The following MAST2 variants were observed in gnomAD, a reference collection of about 807,000 sequenced individuals.
The protein encoded by MAST2 is microtubule associated serine/threonine kinase 2, also known as microtubule-associated serine/threonine-protein kinase 2.
Under a neutral mutation model 147.4 loss-of-function variants are expected in MAST2, and 70 were observed. That is an observed-to-expected ratio of 0.47 (90% CI 0.39 to 0.58). The LOEUF (loss-of-function observed/expected upper bound fraction) is 0.58. MAST2 is among the 20% of genes least tolerant of loss of function. MAST2 has a pLI of 0.00. For missense variants in MAST2, 2,080 were observed against 2,302.3 expected (o/e 0.90, Z 1.98); for synonymous variants, 869 against 896.8 (o/e 0.97, Z 0.55).
At chr1:46,018,238 C>G (rs1646040417) in intron 10 of MAST2, among the ~76,000 whole-genome samples, 1 of 152,190 alleles carries the variant, frequency 6.6e-6, no homozygotes, top group African/African-American at 2.4e-5. Context: ...CCTCCACTCT[C>G]TCTCTGATGT....
chr1:46,028,883 T>C lies in MAST2; in HGVS notation c.2168T>C (p.Val723Ala). The stretch of plus-strand genomic sequence containing the variant: ...CTGTATGAGTTCCTGGTGGGCTGCG[T>C]CCCTTTTTTTGGAGATACTCCGGAG... Reference protein sequence around the residue: ...IILYEFLVGCVPFFGDTPEEL... With the variant: ...IILYEFLVGCAPFFGDTPEEL... The change falls in exon 18 of 29, where the codon GTC (valine) becomes GCC (alanine). Residue 723 changes from valine to alanine, a missense_variant. Physicochemically the swap from Val to Ala is moderately conservative, Grantham distance 64 (BLOSUM62 0). Transcript: ENST00000361297. The C allele has an allele frequency of 6.2e-7, 1 of 1,612,444 alleles. No individual in the cohort carries two copies. The highest frequency in any genetic ancestry group is 8.5e-7 in the Non-Finnish European group (1 of 1,179,348).
chr1:45,940,659 G>A (rs1302982885), intron 4 of MAST2, among the ~76,000 whole-genome samples: 5 of 147,422 alleles, frequency 3.4e-5, no homozygotes, highest in African/African-American at 7.5e-5. Context: ...TCGCTCTGTC[G>A]CCCAGGCTGG....
At chr1:45,923,249 G>T (rs1416452456) in intron 4 of MAST2, among the ~76,000 whole-genome samples, 1 of 152,140 alleles carries the variant, frequency 6.6e-6, no homozygotes, top group Non-Finnish European at 1.5e-5. Context: ...GGCTTCCAAA[G>T]GAGGGTTCCA....
At chr1:46,030,080 A>T in intron 20 of MAST2, 49 bp from the exon 21 acceptor site, 1 of 1,607,168 alleles carries the variant, frequency 6.2e-7, no homozygotes, top group Non-Finnish European at 8.5e-7. Context: ...GGTCACAAGG[A>T]GGCCACCAGC....
chr1:45,941,328 C>A (rs548590195), intron 4 of MAST2, among the ~76,000 whole-genome samples: 1 of 152,078 alleles, frequency 6.6e-6, no homozygotes, highest in Non-Finnish European at 1.5e-5. Flanking sequence ...GGCGGGATCT[C>A]GGCTCACTGC....
chr1:45,820,909 T>TTTTTTTTTTTTC (rs1644605847), intron 1 of MAST2, among the ~76,000 whole-genome samples: 1 of 141,484 alleles, frequency 7.1e-6, no homozygotes, highest in East Asian at 2.0e-4. Flanking sequence ...TTTTTTTTTT[T>TTTTTTTTTTTTC]TTTTTTTTGA....
intron 4 of MAST2, among the ~76,000 whole-genome samples, chr1:45,890,133 T>C (rs1647502612): frequency 6.6e-6 from 1 of 152,224 alleles, no homozygotes; most frequent in Non-Finnish European, 1.5e-5. Flanking sequence ...AAGGCGTTCC[T>C]GACCTCACCC....
At chr1:46,029,148 C>T (rs1383095602) in intron 18 of MAST2, 1 of 572,294 alleles carries the variant, frequency 1.7e-6, no homozygotes, top group Non-Finnish European at 3.0e-6. Context: ...CTCATAGACA[C>T]CTGGTCTCTC....
At chr1:45,832,536 C>T (rs181204145) in intron 3 of MAST2, among the ~76,000 whole-genome samples, 144 of 152,254 alleles carry the variant, frequency 9.5e-4, no homozygotes, top group African/African-American at 3.2e-3. Flanking sequence ...TCAAGTGATC[C>T]ACCGGCCTTG....
At chr1:45,920,348 A>C (rs1653256191) in intron 4 of MAST2, among the ~76,000 whole-genome samples, 1 of 152,084 alleles carries the variant, frequency 6.6e-6, no homozygotes, top group African/African-American at 2.4e-5. Context: ...CCAAGTTCTC[A>C]ACTCTGTCTT....
chr1:45,869,211 A>C (rs981814470), intron 3 of MAST2, among the ~76,000 whole-genome samples: 5 of 152,146 alleles, frequency 3.3e-5, no homozygotes, highest in African/African-American at 1.2e-4. Flanking sequence ...CCTAATTTTC[A>C]AATATTATAG....
chr1:45,860,707 C>T (rs1179299650), intron 3 of MAST2, among the ~76,000 whole-genome samples: 5 of 151,720 alleles, frequency 3.3e-5, no homozygotes, highest in Admixed American at 1.3e-4. Context: ...TGGCGGGTGC[C>T]TGTAATCCCA....
At chr1:45,829,726 A>AT (rs1570268926) in intron 3 of MAST2, 145 bp downstream of exon 3, 74 of 920,378 alleles carry the variant, frequency 8.0e-5, no homozygotes, top group South Asian at 1.9e-4. Flanking sequence ...ATTTATTATT[A>AT]TTTTTTTTAG....
At chr1:45,985,806 A>G (rs2149084735) in intron 5 of MAST2, among the ~76,000 whole-genome samples, 1 of 152,308 alleles carries the variant, frequency 6.6e-6, no homozygotes, top group East Asian at 1.9e-4. Flanking sequence ...ATGTTTTCTG[A>G]AGTTCTTATG....
chr1:45,834,997 G>A (rs2147858370), intron 3 of MAST2, among the ~76,000 whole-genome samples: 1 of 151,810 alleles, frequency 6.6e-6, no homozygotes, highest in East Asian at 1.9e-4. Flanking sequence ...TCAGTACACA[G>A]ACATTTCCAT....
chr1:45,892,496 C>G (rs75576641), intron 4 of MAST2, among the ~76,000 whole-genome samples: 3 of 152,154 alleles, frequency 2.0e-5, no homozygotes, highest in African/African-American at 7.2e-5. Flanking sequence ...CTGGATCTTA[C>G]GTTAGTAGTC....
chr1:45,859,925 A>C (rs925166157), intron 3 of MAST2, among the ~76,000 whole-genome samples: 1 of 152,152 alleles, frequency 6.6e-6, no homozygotes, highest in Non-Finnish European at 1.5e-5. Context: ...AGCTGAATAA[A>C]GCTGAATGTT....
chr1:45,928,992 A>G (rs1317660240), intron 4 of MAST2, among the ~76,000 whole-genome samples: 1 of 151,224 alleles, frequency 6.6e-6, no homozygotes, highest in Non-Finnish European at 1.5e-5. Context: ...GCTTGACCTG[A>G]TTGTGGTTTG....
intron 12 of MAST2, 109 bp downstream of exon 12, chr1:46,022,191 G>C (rs1244236283): frequency 2.2e-6 from 3 of 1,383,880 alleles, no homozygotes; most frequent in Non-Finnish European, 3.0e-6. Flanking sequence ...GACACAACAT[G>C]GCCCCGGGGG....
Sources: gnomAD v4.1 joint callset for allele counts (sites outside exome capture counted in the v4.1 genomes callset) on GRCh38, gnomAD v4.1.1 for gene constraint, MANE v1.5 for transcripts, NCBI Gene and HGNC (gene_info 2026-07-23, HGNC 2026-07-21) for gene names.